Variants in CDC14B observed in about 807,000 individuals in gnomAD.
CDC14B encodes the protein dual specificity protein phosphatase CDC14B.
A neutral mutation model predicts 64.2 loss-of-function variants in CDC14B; 22 were observed. That is an observed-to-expected ratio of 0.34 (90% CI 0.24 to 0.49). The LOEUF (loss-of-function observed/expected upper bound fraction) is 0.49, where lower values mean the gene tolerates loss of function less well. Ranked by LOEUF, CDC14B falls within the 20% of genes least tolerant of loss-of-function variation. The pLI, the probability that CDC14B is intolerant of heterozygous loss-of-function variation, is 0.99. For missense variants in CDC14B, 498 were observed against 629.9 expected (o/e 0.79, Z 2.24); for synonymous variants, 191 against 215.8 (o/e 0.89, Z 1.01).
chr9:96,523,511 T>C (rs1374842947), intron 10 of CDC14B, 76 bp downstream of exon 10: 3 of 1,603,554 alleles, frequency 1.9e-6, no homozygotes, highest in Non-Finnish European at 2.6e-6. Context: ...TGTTGGAAAC[T>C]AAAGGAAATT....
chr9:96,571,941 C>T (rs1047323063), intron 1 of CDC14B, among the ~76,000 whole-genome samples: 6 of 151,854 alleles, frequency 4.0e-5, no homozygotes, highest in African/African-American at 1.2e-4. Context: ...GTAGATTATA[C>T]CCTTTTTGTC....
At chr9:96,612,151 C>A (rs2119030872) in intron 1 of CDC14B, among the ~76,000 whole-genome samples, 1 of 152,338 alleles carries the variant, frequency 6.6e-6, no homozygotes. Flanking sequence ...ACCACGGCAC[C>A]AAACCTCCTC....
chr9:96,566,584 A>G (rs1404073214), intron 1 of CDC14B, among the ~76,000 whole-genome samples: 1 of 152,168 alleles, frequency 6.6e-6, no homozygotes, highest in Non-Finnish European at 1.5e-5. Context: ...GCAGGCACGC[A>G]AGGGTCACAG....
chr9:96,608,724 A>G (rs576716670), intron 1 of CDC14B, among the ~76,000 whole-genome samples: 42 of 152,296 alleles, frequency 2.8e-4, no homozygotes, highest in Non-Finnish European at 5.6e-4. Flanking sequence ...CCTCTGGGAT[A>G]GCAAGAGATC....
intron 13 of CDC14B, among the ~76,000 whole-genome samples, chr9:96,506,607 A>C (rs1459914380): frequency 1.3e-5 from 2 of 152,222 alleles, no homozygotes; most frequent in Non-Finnish European, 2.9e-5. Context: ...TCCATTTTGG[A>C]ATTTAAAAGA....
chr9:96,609,800 T>C (rs1460181625), intron 1 of CDC14B, among the ~76,000 whole-genome samples: 1 of 152,168 alleles, frequency 6.6e-6, no homozygotes, highest in East Asian at 1.9e-4. Context: ...AACAAGATGT[T>C]TTTATTTTGT....
chr9:96,524,279 C>T (rs1837231385), intron 9 of CDC14B, among the ~76,000 whole-genome samples: 1 of 152,216 alleles, frequency 6.6e-6, no homozygotes, highest in East Asian at 1.9e-4. Context: ...TGCAGCATAG[C>T]TTGGACACAG....
At chr9:96,563,672 AAAAG>A (rs1843536322) in intron 3 of CDC14B, among the ~76,000 whole-genome samples, 2 of 151,870 alleles carry the variant, frequency 1.3e-5, no homozygotes, top group African/African-American at 4.8e-5. Flanking sequence ...AAAAAAAAAA[AAAAG>A]GAAGAAGAAA....
intron 7 of CDC14B, among the ~76,000 whole-genome samples, chr9:96,536,262 C>A (rs1211567909): frequency 6.6e-6 from 1 of 152,186 alleles, no homozygotes; most frequent in East Asian, 1.9e-4. Flanking sequence ...TGCTACCCCC[C>A]AGCCCAGACC....
At chr9:96,612,521 C>A (rs936650398) in intron 1 of CDC14B, among the ~76,000 whole-genome samples, 2 of 152,056 alleles carry the variant, frequency 1.3e-5, no homozygotes, top group African/African-American at 4.8e-5. Context: ...TACTAATAAT[C>A]TGTCTGTGCT....
At chr9:96,614,516 TAAATC>T (rs140274876) in intron 1 of CDC14B, among the ~76,000 whole-genome samples, 3,120 of 152,210 alleles carry the variant, frequency 0.02, 101 homozygotes, top group African/African-American at 0.071. Context: ...AATAGTAAAA[TAAATC>T]AAAGCTCTGC....
intron 1 of CDC14B, among the ~76,000 whole-genome samples, chr9:96,596,813 C>T (rs1846109713): frequency 6.6e-6 from 1 of 151,062 alleles, no homozygotes; most frequent in Non-Finnish European, 1.5e-5. Flanking sequence ...GGGCTATGAT[C>T]ACGCCACTAC....
chr9:96,587,747 A>G (rs1233662143), intron 1 of CDC14B, among the ~76,000 whole-genome samples: 1 of 152,210 alleles, frequency 6.6e-6, no homozygotes, highest in Non-Finnish European at 1.5e-5. Flanking sequence ...TAGCCTGCAC[A>G]GGGCTTGTGA....
intron 9 of CDC14B, among the ~76,000 whole-genome samples, chr9:96,532,621 A>AT (rs1365240221): frequency 6.6e-6 from 1 of 152,076 alleles, no homozygotes; most frequent in Non-Finnish European, 1.5e-5. Flanking sequence ...TGTCTCAGGG[A>AT]TCCCTTAAAT....
chr9:96,573,852 A>G lies in CDC14B; in HGVS notation c.161-8369T>C, dbSNP rs16911306. Reference sequence around the variant, plus strand: ...ACCAAGAAGAACAAAAAACATTGTGAAAAAAAACAAGAAGGCCGGGTGCAG... The same window carrying G: ...ACCAAGAAGAACAAAAAACATTGTGGAAAAAAACAAGAAGGCCGGGTGCAG... On this transcript the variant is annotated intron_variant, in intron 1 of 13. Transcript: ENST00000375241. Among the ~76,000 whole-genome samples, 1,489 of 152,054 alleles carry G rather than the reference A, an allele frequency of 9.8e-3. 10 individuals carry two copies. The highest frequency in any genetic ancestry group is 0.016 in the Non-Finnish European group (1,108 of 67,966).
At chr9:96,595,650 C>T (rs2118704389) in intron 1 of CDC14B, among the ~76,000 whole-genome samples, 1 of 152,282 alleles carries the variant, frequency 6.6e-6, no homozygotes, top group South Asian at 2.1e-4. Flanking sequence ...CGTACTGATA[C>T]ATACTATAAA....
At chr9:96,565,519 G>A (rs1342625966) in intron 1 of CDC14B, 36 bp from the exon 2 acceptor site, 2 of 1,395,308 alleles carry the variant, frequency 1.4e-6, no homozygotes. Context: ...CTTCCTGGAG[G>A]TTACAAAAAA....
At chr9:96,517,791 G>C (rs1465591060) in intron 12 of CDC14B, among the ~76,000 whole-genome samples, 2 of 151,542 alleles carry the variant, frequency 1.3e-5, no homozygotes, top group Non-Finnish European at 1.5e-5. Flanking sequence ...TCAGCCTCCT[G>C]AGTAGCAGCT....
intron 1 of CDC14B, among the ~76,000 whole-genome samples, chr9:96,609,353 C>A (rs963107452): frequency 1.3e-5 from 2 of 152,126 alleles, no homozygotes; most frequent in African/African-American, 2.4e-5. Flanking sequence ...ATGAAAAGAG[C>A]AAAACTACAT....
Sources: gnomAD v4.1 joint callset for allele counts (sites outside exome capture counted in the v4.1 genomes callset) on GRCh38, gnomAD v4.1.1 for gene constraint, MANE v1.5 for transcripts, NCBI Gene and HGNC (gene_info 2026-07-23, HGNC 2026-07-21) for gene names.